NIPAL2: variants seen among roughly 807,000 people sequenced by gnomAD.
NIPAL2 encodes NIPA like domain containing 2.
In NIPAL2, 43 loss-of-function variants were observed where a neutral mutation model predicts 48.9. The observed-to-expected ratio is 0.88, with a 90% CI of 0.69 to 1.13. The LOEUF (loss-of-function observed/expected upper bound fraction) is 1.13, where lower values mean the gene tolerates loss of function less well. Ranked by LOEUF, NIPAL2 falls within the 50% of genes most tolerant of loss-of-function variation. The probability of loss-of-function intolerance (pLI) is 0.00; values close to 1 mark genes in which losing one functional copy is unlikely to be tolerated. For missense variants in NIPAL2, 446 were observed against 461.4 expected (o/e 0.97, Z 0.31); for synonymous variants, 167 against 174.6 (o/e 0.96, Z 0.34).
intron 1 of NIPAL2, among the ~76,000 whole-genome samples, chr8:98,276,299 A>G (rs1320545632): frequency 1.3e-5 from 2 of 152,158 alleles, no homozygotes; most frequent in Non-Finnish European, 2.9e-5. Context: ...TACTGTCTCT[A>G]TAGTTTTGTC....
intron 1 of NIPAL2, among the ~76,000 whole-genome samples, chr8:98,286,738 G>A (rs191799067): frequency 1.1e-4 from 17 of 151,424 alleles, no homozygotes; most frequent in African/African-American, 3.9e-4. Context: ...GAACCCAGGA[G>A]GCAGAGGTTG....
intron 3 of NIPAL2, among the ~76,000 whole-genome samples, chr8:98,247,361 T>C (rs1813359717): frequency 6.6e-6 from 1 of 152,114 alleles, no homozygotes; most frequent in Non-Finnish European, 1.5e-5. Context: ...CAGTCACCAG[T>C]CCCCTGGGTC....
intron 4 of NIPAL2, among the ~76,000 whole-genome samples, chr8:98,229,933 A>G (rs1314990665): frequency 1.3e-5 from 2 of 152,238 alleles, no homozygotes; most frequent in Non-Finnish European, 2.9e-5. Context: ...CATAAGTTGT[A>G]TAGTATATGA....
chr8:98,289,607 T>G (rs757052749), intron 1 of NIPAL2, among the ~76,000 whole-genome samples: 2 of 152,082 alleles, frequency 1.3e-5, no homozygotes, highest in Non-Finnish European at 2.9e-5. Flanking sequence ...TGTCTCAGCC[T>G]CCTGAGTAGC....
chr8:98,236,180 G>T lies in NIPAL2; in HGVS notation c.411C>A (p.Asp137Glu). 6.2e-7 allele frequency: 1 copy of T among 1,603,094 alleles called. No individual in the cohort carries two copies. The highest frequency in any genetic ancestry group is 8.5e-7 in the Non-Finnish European group (1 of 1,173,310). The change falls in exon 4 of 11, where the codon GAC becomes GAA. Residue 137 changes from aspartate to glutamate, a missense_variant. Asp to Glu is a conservative substitution (Grantham distance 45). Coordinates refer to ENST00000430223, the MANE Select transcript of NIPAL2 (RefSeq NM_001321635.2). ...SAIISVTFLK[D>E]NLRASDLLGT... ...CGAGTAAGTCTGAGGCTCTCAAATT[G>T]TCTTTCAGAAATGTAACAGAAATAA...
At chr8:98,249,701 A>G (rs1813488915) in intron 3 of NIPAL2, among the ~76,000 whole-genome samples, 1 of 147,414 alleles carries the variant, frequency 6.8e-6, no homozygotes, top group South Asian at 2.1e-4. Flanking sequence ...ATATAATTAT[A>G]TTAAATATAT....
At chr8:98,207,828 AT>A (rs1811112135) in intron 6 of NIPAL2, among the ~76,000 whole-genome samples, 1 of 152,224 alleles carries the variant, frequency 6.6e-6, no homozygotes, top group East Asian at 1.9e-4. Context: ...TTAGGAACCT[AT>A]TTACCTAAAG....
rs1298845241 is a variant in NIPAL2, at chr8:98,257,507, T to G, written c.136-3420A>C. On this transcript the variant is annotated intron_variant, in intron 1 of 10. Transcript: ENST00000430223. ...CTCTTGACCTCATGATCTGCCCGCC[T>G]TGACCTACCTAAGTGCCGGGATTAC... Among the ~76,000 whole-genome samples, 6 of 152,232 alleles carry G rather than the reference T, an allele frequency of 3.9e-5. No individual in the cohort carries two copies. The South Asian group carries it at 1.2e-3, about 32-fold the overall frequency.
intron 1 of NIPAL2, among the ~76,000 whole-genome samples, chr8:98,280,761 T>TATATAGAGAGAGAGAG: frequency 2.3e-3 from 68 of 30,008 alleles, no homozygotes; most frequent in African/African-American, 2.5e-3. Context: ...TATATATATA[T>TATATAGAGAGAGAGAG]AGAGAGAGAG....
chr8:98,282,673 AAAAAC>A (rs1303880308), intron 1 of NIPAL2, among the ~76,000 whole-genome samples: 3 of 152,146 alleles, frequency 2.0e-5, no homozygotes, highest in Non-Finnish European at 4.4e-5. Flanking sequence ...CCCTGTCTCT[AAAAAC>A]AAAAAAGAAA....
intron 5 of NIPAL2, among the ~76,000 whole-genome samples, chr8:98,219,541 C>T (rs1811743615): frequency 1.3e-5 from 2 of 152,064 alleles, no homozygotes; most frequent in Non-Finnish European, 2.9e-5. Flanking sequence ...AAAGCAATTC[C>T]TTTGGCAATT....
intron 3 of NIPAL2, among the ~76,000 whole-genome samples, chr8:98,239,127 T>TA (rs1469908564): frequency 1.3e-5 from 2 of 152,204 alleles, no homozygotes; most frequent in Non-Finnish European, 2.9e-5. Flanking sequence ...AGGATTATAG[T>TA]AAGAAGGGAA....
At chr8:98,214,014 A>C in intron 5 of NIPAL2, among the ~76,000 whole-genome samples, 1 of 152,146 alleles carries the variant, frequency 6.6e-6, no homozygotes, top group East Asian at 1.9e-4. Flanking sequence ...TGAGTAAATC[A>C]CACCTCAAAT....
At chr8:98,271,678 C>G (rs182300334) in intron 1 of NIPAL2, among the ~76,000 whole-genome samples, 1 of 152,036 alleles carries the variant, frequency 6.6e-6, no homozygotes, top group Non-Finnish European at 1.5e-5. Context: ...ATTTGGATGC[C>G]CTTTATTTCT....
Position 98,193,072 on chromosome 8 carries a change from T to C in NIPAL2, c.1058A>G (p.Lys353Arg), listed in dbSNP as rs1810372788. 1 of 1,613,460 alleles carries C rather than the reference T, an allele frequency of 6.2e-7. No individual in the cohort carries two copies. The highest frequency in any genetic ancestry group is 1.7e-5 in the Admixed American group (1 of 60,014). ...TAAGCTATGTGAATCTGGTTGTATT[T>C]TGTCCAACATTTGTTTCCCTGTGGA... Reference protein sequence around the residue: ...GNIPGKQMLDKIQPDSHSLSY... With the variant: ...GNIPGKQMLDRIQPDSHSLSY... Residue 353 changes from lysine to arginine, a missense_variant, in exon 11 of 11, where the codon AAA (lysine) becomes AGA (arginine). Lys to Arg is a conservative substitution (Grantham distance 26). Coordinates refer to ENST00000430223, the MANE Select transcript of NIPAL2 (RefSeq NM_001321635.2).
At chr8:98,194,704 A>G (rs377631135) in intron 10 of NIPAL2, 24 bp downstream of exon 10, 37 of 1,341,078 alleles carry the variant, frequency 2.8e-5, no homozygotes, top group Non-Finnish European at 3.6e-5. Flanking sequence ...CAAATTTTCC[A>G]CTATAAAGAA....
intron 1 of NIPAL2, among the ~76,000 whole-genome samples, chr8:98,278,619 T>C (rs1404253438): frequency 6.6e-6 from 1 of 152,198 alleles, no homozygotes; most frequent in Non-Finnish European, 1.5e-5. Context: ...CTGCAATTAA[T>C]TTTTACAAGG....
At chr8:98,193,923 A>C (rs1183615513) in intron 10 of NIPAL2, among the ~76,000 whole-genome samples, 1 of 152,248 alleles carries the variant, frequency 6.6e-6, no homozygotes, top group African/African-American at 2.4e-5. Flanking sequence ...CCCAGCAGAT[A>C]AGATGGCTCG....
chr8:98,292,537 A>G (rs928718352), intron 1 of NIPAL2, among the ~76,000 whole-genome samples: 7 of 152,208 alleles, frequency 4.6e-5, no homozygotes, highest in African/African-American at 1.7e-4. Context: ...ACACTGTCAA[A>G]GGCAAATTAA....
Sources: allele counts gnomAD v4.1 joint callset (sites outside exome capture counted in the v4.1 genomes callset), GRCh38; gene constraint gnomAD v4.1.1; transcripts MANE v1.5; gene names NCBI Gene and HGNC (gene_info 2026-07-23, HGNC 2026-07-21).